CD33: variants seen among roughly 807,000 people sequenced by gnomAD.
CD33 encodes the protein myeloid cell surface antigen CD33.
A neutral mutation model predicts 31.4 loss-of-function variants in CD33; 25 were observed. The observed-to-expected ratio is 0.80, with a 90% confidence interval of 0.58 to 1.11. The LOEUF is 1.11. Ranked by LOEUF, CD33 falls within the 50% of genes most tolerant of loss-of-function variation. The pLI, the probability that CD33 is intolerant of heterozygous loss-of-function variation, is 0.00. For missense variants in CD33, 407 were observed against 448.1 expected (o/e 0.91, Z 0.83); for synonymous variants, 176 against 180.6 (o/e 0.97, Z 0.20).
At chr19:51,233,298 G>A (rs559162607) in intron 4 of CD33, among the ~76,000 whole-genome samples, 39 of 152,328 alleles carry the variant, frequency 2.6e-4, no homozygotes, top group African/African-American at 8.4e-4. Context: ...CAGTAGTTTG[G>A]CCAACTCAAT....
chr19:51,213,241 T>G, the CD33 span, among the ~76,000 whole-genome samples: 1 of 152,122 alleles, frequency 6.6e-6, no homozygotes, highest in South Asian at 2.1e-4. Context: ...TAGTTTTTAT[T>G]AGATAAAAAT....
At position 51,226,064 on chromosome 19, in the gene CD33, T is replaced by C. The variant is rs747297854; in HGVS notation, c.680T>C (p.Ile227Thr). Residue 227 changes from isoleucine (I) to threonine (T), a missense_variant, in exon 3 of 7, where the codon ATC becomes ACC. Coordinates refer to ENST00000262262, the MANE Select transcript of CD33 (RefSeq NM_001772.4). The stretch of plus-strand genomic sequence containing the variant: ...GCTGGTGTGACTACGGAGAGAACCA[T>C]CCAGCTCAACGTCACCTGTAAGTGC... ...AGAGVTTERT[I>T]QLNVTYVPQN... 3.7e-6 allele frequency: 6 copies of C among 1,613,952 alleles called. No homozygotes were observed. The South Asian group carries it at 4.4e-5, about 12-fold the overall frequency.
intron 4 of CD33, among the ~76,000 whole-genome samples, 158 bp from the exon 5 acceptor site, chr19:51,234,999 A>G (rs1981673367): frequency 1.3e-5 from 2 of 152,082 alleles, no homozygotes; most frequent in African/African-American, 2.4e-5. Context: ...ACTTCATCTC[A>G]TGGTCGTGGT....
chr19:51,219,132 T>C, the CD33 span, among the ~76,000 whole-genome samples: 3 of 152,238 alleles, frequency 2.0e-5, no homozygotes, highest in African/African-American at 4.8e-5. Flanking sequence ...ATTTTCAAGG[T>C]ATTGATTCTT....
chr19:51,211,357 G>A, the CD33 span: 15 of 1,551,926 alleles, frequency 9.7e-6, no homozygotes, highest in Non-Finnish European at 1.3e-5. Flanking sequence ...CTGGTTCCGG[G>A]AAGGAGCCAT....
chr19:51,227,023 A>G (rs1981084552), intron 4 of CD33, among the ~76,000 whole-genome samples: 1 of 151,892 alleles, frequency 6.6e-6, no homozygotes, highest in Non-Finnish European at 1.5e-5. Flanking sequence ...CTCTAGTTCA[A>G]TCTATGTTAT....
chr19:51,211,230 A>C, the CD33 span: 1 of 1,568,734 alleles, frequency 6.4e-7, no homozygotes. Flanking sequence ...TGGATCCAAA[A>C]ATCCGGCTGC....
At chr19:51,214,001 A>G in the CD33 span, among the ~76,000 whole-genome samples, 9 of 151,318 alleles carry the variant, frequency 5.9e-5, no homozygotes, top group East Asian at 1.2e-3. Context: ...CTGGCATTAC[A>G]GGCATGTACC....
chr19:51,225,754 C>G, intron 2 of CD33, 49 bp from the exon 3 acceptor site: 1 of 1,584,698 alleles, frequency 6.3e-7, no homozygotes, highest in Non-Finnish European at 8.6e-7. Flanking sequence ...CTCAGGCCCT[C>G]ACCTGGACCC....
intron 4 of CD33, among the ~76,000 whole-genome samples, chr19:51,229,072 C>T (rs902540260): frequency 6.6e-6 from 1 of 152,036 alleles, no homozygotes; most frequent in East Asian, 1.9e-4. Flanking sequence ...CCTTCTATAC[C>T]TAATTTATTG....
intron 4 of CD33, among the ~76,000 whole-genome samples, chr19:51,229,316 G>T (rs1169829816): frequency 6.6e-6 from 1 of 152,000 alleles, no homozygotes; most frequent in African/African-American, 2.4e-5. Context: ...GAATATTTTT[G>T]CATCTATGTT....
Position 51,239,671 on chromosome 19 carries a change from G to C in CD33, c.1078G>C (p.Glu360Gln), listed in dbSNP as rs377249362. 2 of 1,612,018 alleles carry C rather than the reference G, an allele frequency of 1.2e-6. No individual in the cohort carries two copies. The highest frequency in any genetic ancestry group is 1.7e-6 in the Non-Finnish European group (2 of 1,179,390). The change falls in exon 7 of 7, where the codon GAG becomes CAG. Residue 360 changes from glutamate to glutamine, a missense_variant. Coordinates refer to ENST00000262262, the MANE Select transcript of CD33 (RefSeq NM_001772.4). ...CAAGGACACCTCCACCGAATACTCAGAGGTCAGGACCCAGTGAGGAACCCA... is the reference window on the plus strand; with the variant it reads ...CAAGGACACCTCCACCGAATACTCACAGGTCAGGACCCAGTGAGGAACCCA... ...PSKDTSTEYS[E>Q]VRTQ
At chr19:51,222,694 G>A (rs552371961), upstream of CD33, among the ~76,000 whole-genome samples, 1 of 152,264 alleles carries the variant, frequency 6.6e-6, no homozygotes, top group East Asian at 1.9e-4. Context: ...GCCCAGCATA[G>A]AAGGTGGGAA....
intron 2 of CD33, 78 bp from the exon 3 acceptor site, chr19:51,225,725 G>T: frequency 6.5e-7 from 1 of 1,549,010 alleles, no homozygotes; most frequent in South Asian, 1.2e-5. Flanking sequence ...GGGGGAGCTT[G>T]ACCAGAGGTT....
intron 5 of CD33, 127 bp downstream of exon 5, chr19:51,235,380 C>A: frequency 8.3e-7 from 1 of 1,210,788 alleles, no homozygotes; most frequent in Non-Finnish European, 1.2e-6. Context: ...AGAATCCAGC[C>A]TGTGGCCACT....
In CD33 at chr19:51,239,756, G is replaced by A. The variant is rs1375470830; in HGVS notation, c.*68G>A. The A allele has an allele frequency of 7.6e-7, 1 of 1,323,036 alleles. No individual in the cohort carries two copies. The highest frequency in any genetic ancestry group is 1.0e-6 in the Non-Finnish European group (1 of 961,354). 82.0% of individuals were successfully genotyped at this position (1,323,036 alleles called of 1,614,324 possible). A position where few individuals can be genotyped will look rare whatever the true frequency, so the allele number is the denominator to read the frequency against. On this transcript the variant is annotated 3_prime_UTR_variant, in exon 7 of 7. Coordinates refer to ENST00000262262, the MANE Select transcript of CD33 (RefSeq NM_001772.4). Reference sequence around the variant, plus strand: ...CTCTACAGGTCGGGGACCAAAGGCTGATTCTTGGAGATTTAACACCCCACA... The same window carrying A: ...CTCTACAGGTCGGGGACCAAAGGCTAATTCTTGGAGATTTAACACCCCACA...
At position 51,239,617 on chromosome 19, in the gene CD33, T is replaced by G. The variant is rs1982034809; in HGVS notation, c.1024T>G (p.Ser342Ala). ...GATGGATGAGGAGCTGCATTATGCT[T>G]CCCTCAACTTTCATGGGATGAATCC... ...VEMDEELHYASLNFHGMNPSK... is the reference protein window; with the variant it reads ...VEMDEELHYAALNFHGMNPSK... The change falls in exon 7 of 7, where the codon TCC becomes GCC. Residue 342 changes from serine to alanine, a missense_variant. Ser to Ala is a moderately conservative substitution (Grantham distance 99, BLOSUM62 1). Coordinates refer to ENST00000262262, the MANE Select transcript of CD33 (RefSeq NM_001772.4). The G allele has an allele frequency of 1.2e-6, 2 of 1,613,694 alleles. No individual in the cohort carries two copies. Among genetic ancestry groups the G allele is most frequent in the Admixed American group, 3.3e-5 (2 of 59,950 alleles).
intron 4 of CD33, among the ~76,000 whole-genome samples, chr19:51,227,035 G>GAT (rs1981086943): frequency 6.6e-6 from 1 of 151,884 alleles, no homozygotes; most frequent in Non-Finnish European, 1.5e-5. Context: ...CTATGTTATA[G>GAT]TGAATAACAA....
chr19:51,233,917 C>T (rs951618341), intron 4 of CD33, among the ~76,000 whole-genome samples: 2 of 152,184 alleles, frequency 1.3e-5, no homozygotes, highest in African/African-American at 4.8e-5. Flanking sequence ...ACTCTCCCTT[C>T]GACACTCCAC....
Sources: allele counts gnomAD v4.1 joint callset (sites outside exome capture counted in the v4.1 genomes callset), GRCh38; gene constraint gnomAD v4.1.1; transcripts MANE v1.5; gene names NCBI Gene and HGNC (gene_info 2026-07-23, HGNC 2026-07-21).